Variants in AOPEP observed in about 807,000 individuals in gnomAD.
The protein encoded by AOPEP is aminopeptidase O.
A neutral mutation model predicts 98.1 loss-of-function variants in AOPEP; 77 were observed. The observed-to-expected ratio is 0.78, with a 90% CI of 0.65 to 0.95. The LOEUF (loss-of-function observed/expected upper bound fraction) is 0.95, where lower values mean the gene tolerates loss of function less well. Ranked by LOEUF, AOPEP falls within the 40% of genes least tolerant of loss-of-function variation. The pLI, the probability that AOPEP is intolerant of heterozygous loss-of-function variation, is 0.00. For synonymous variants in AOPEP, 346 were observed against 365.3 expected (o/e 0.95, Z 0.60); for missense variants, 1,024 against 1,024.7 (o/e 1.00, Z 0.01).
intron 5 of AOPEP, among the ~76,000 whole-genome samples, chr9:94,841,377 T>C (rs2042251517): frequency 6.6e-6 from 1 of 152,196 alleles, no homozygotes; most frequent in South Asian, 2.1e-4. Context: ...TTTCACCGTG[T>C]TATCCAGGCT....
chr9:95,106,127 G>GTTTCT, the AOPEP span, among the ~76,000 whole-genome samples: 1 of 152,150 alleles, frequency 6.6e-6, no homozygotes, highest in East Asian at 1.9e-4. Flanking sequence ...CCTCACGGGC[G>GTTTCT]TTTCTTTTCT....
intron 13 of AOPEP, among the ~76,000 whole-genome samples, chr9:95,058,064 T>C (rs1213227654): frequency 1.3e-5 from 2 of 152,366 alleles, no homozygotes; most frequent in South Asian, 2.1e-4. Context: ...GGACAAAAGC[T>C]TCCATTGATC....
intron 1 of AOPEP, among the ~76,000 whole-genome samples, chr9:94,745,714 GCTGAGTAGTACTCTA>G: frequency 6.6e-6 from 1 of 152,152 alleles, no homozygotes; most frequent in East Asian, 1.9e-4. Context: ...CTTTTTAACT[GCTGAGTAGTACTCTA>G]CTGTGTATAT....
intron 3 of AOPEP, among the ~76,000 whole-genome samples, chr9:94,779,446 T>C (rs997751734): frequency 6.6e-6 from 1 of 152,200 alleles, no homozygotes; most frequent in Non-Finnish European, 1.5e-5. Context: ...ACTTGAGCAT[T>C]ATTCTTCTTT....
intron 14 of AOPEP, among the ~76,000 whole-genome samples, chr9:95,062,946 A>G (rs1394080836): frequency 3.3e-5 from 5 of 152,208 alleles, no homozygotes; most frequent in African/African-American, 1.2e-4. Context: ...TGGGTGGAGT[A>G]GGCAAACCAT....
chr9:95,087,355 C>T (rs2070781082), downstream of AOPEP: 1 of 151,472 alleles, frequency 6.6e-6, no homozygotes, highest in Non-Finnish European at 1.5e-5. Context: ...TGGTGGTGGG[C>T]ACCTGTAATC....
intron 5 of AOPEP, among the ~76,000 whole-genome samples, chr9:94,908,503 A>G (rs2051508118): frequency 6.6e-6 from 1 of 152,234 alleles, no homozygotes; most frequent in Admixed American, 6.5e-5. Context: ...AAAGGGAGCT[A>G]ACATTTGTGG....
chr9:94,814,600 A>C (rs1851316116), intron 5 of AOPEP, among the ~76,000 whole-genome samples: 1 of 152,186 alleles, frequency 6.6e-6, no homozygotes, highest in Admixed American at 6.5e-5. Context: ...TGAACAAGTG[A>C]GGGCCATCCC....
chr9:94,869,946 G>A (rs551182300), intron 5 of AOPEP, among the ~76,000 whole-genome samples: 2 of 151,168 alleles, frequency 1.3e-5, no homozygotes, highest in African/African-American at 4.9e-5. Flanking sequence ...TCCTCAGGCA[G>A]GAGAGGGAGG....
At chr9:94,888,758 C>G (rs1406487788) in intron 5 of AOPEP, among the ~76,000 whole-genome samples, 1 of 152,100 alleles carries the variant, frequency 6.6e-6, no homozygotes, top group East Asian at 1.9e-4. Context: ...GTCCTTAGTT[C>G]TCTTGGACAT....
intron 10 of AOPEP, among the ~76,000 whole-genome samples, chr9:94,968,837 A>G (rs2059363460): frequency 6.6e-6 from 1 of 152,232 alleles, no homozygotes; most frequent in Admixed American, 6.5e-5. Flanking sequence ...CAGGATCTAG[A>G]TACAGAAATC....
the AOPEP span, chr9:95,107,256 G>T: frequency 6.2e-7 from 1 of 1,613,880 alleles, no homozygotes; most frequent in African/African-American, 1.3e-5. Context: ...GCCCAGCACG[G>T]CCTTCACCTG....
the AOPEP span, among the ~76,000 whole-genome samples, chr9:95,105,188 C>T: frequency 1.3e-5 from 2 of 152,194 alleles, no homozygotes; most frequent in African/African-American, 2.4e-5. Context: ...AGCCTGGGCC[C>T]ACTCCACAGG....
chr9:95,148,003 C>T, the AOPEP span, among the ~76,000 whole-genome samples: 7 of 152,162 alleles, frequency 4.6e-5, no homozygotes, highest in East Asian at 1.2e-3. Context: ...CTGGAATAAC[C>T]GTGTTGACAT....
chr9:95,012,936 G>A (rs556180297), intron 13 of AOPEP, among the ~76,000 whole-genome samples: 3 of 77,158 alleles, frequency 3.9e-5, no homozygotes, highest in South Asian at 4.4e-4. Context: ...TTTTTTTAAC[G>A]TTAGAGGTTT....
chr9:94,977,640 C>T (rs1360977065), intron 10 of AOPEP, among the ~76,000 whole-genome samples: 1 of 152,182 alleles, frequency 6.6e-6, no homozygotes, highest in Non-Finnish European at 1.5e-5. Context: ...TGCATGCGCA[C>T]ACTCCCACAC....
intron 13 of AOPEP, among the ~76,000 whole-genome samples, chr9:95,021,110 G>A (rs1006174928): frequency 2.6e-5 from 4 of 151,936 alleles, no homozygotes; most frequent in Admixed American, 6.6e-5. Flanking sequence ...TTGATATATT[G>A]CAATTTTAGA....
chr9:95,025,288 G>A (rs2063756223), intron 13 of AOPEP, among the ~76,000 whole-genome samples: 1 of 152,136 alleles, frequency 6.6e-6, no homozygotes, highest in Non-Finnish European at 1.5e-5. Context: ...CCCAGCAGAG[G>A]CCATTACATA....
chr9:94,988,336 A>G (rs776817910), intron 11 of AOPEP, among the ~76,000 whole-genome samples: 1 of 152,184 alleles, frequency 6.6e-6, no homozygotes, highest in Non-Finnish European at 1.5e-5. Context: ...TCGATTGCCC[A>G]CAGCTTTCAC....
Sources: gnomAD v4.1 joint callset for allele counts (sites outside exome capture counted in the v4.1 genomes callset) on GRCh38, gnomAD v4.1.1 for gene constraint, MANE v1.5 for transcripts, NCBI Gene and HGNC (gene_info 2026-07-23, HGNC 2026-07-21) for gene names.